The following KLF15 variants were observed in gnomAD, a reference collection of about 807,000 sequenced individuals.
KLF15 encodes KLF transcription factor 15.
A neutral mutation model predicts 24.6 loss-of-function variants in KLF15; 4 were observed. The ratio of observed to expected loss-of-function variants is 0.16; its 90% CI spans 0.08 to 0.37. KLF15 has a LOEUF of 0.37. Ranked by LOEUF, KLF15 falls within the 10% of genes least tolerant of loss-of-function variation. KLF15 has a pLI of 1.00. For missense variants in KLF15, 496 were observed against 560.6 expected (o/e 0.88, Z 1.16); for synonymous variants, 246 against 236.3 (o/e 1.04, Z -0.37).
rs779793947 is a variant in KLF15, at chr3:126,352,321, G to T, written c.602C>A (p.Ala201Glu). Residue 201 changes from alanine to glutamate, a missense_variant, in exon 2 of 3, where the codon GCA (alanine) becomes GAA (glutamate). Transcript: ENST00000296233. ...CCCACCTGGGCCCTGGGCACCTCCT[G>T]CACTGGCACCACCTGGTGGAGGGGA... Reference protein sequence around the residue: ...RCSPPPGGASAGGAQGPGGGP... With the variant: ...RCSPPPGGASEGGAQGPGGGP... 1.7e-5 allele frequency: 26 copies of T among 1,570,884 alleles called. No individual in the cohort carries two copies. Among genetic ancestry groups the T allele is most frequent in the Non-Finnish European group, 2.2e-5 (25 of 1,160,416 alleles).
At chr3:126,349,718 C>T (rs549568828) in intron 2 of KLF15, among the ~76,000 whole-genome samples, 2 of 152,298 alleles carry the variant, frequency 1.3e-5, no homozygotes, top group African/African-American at 4.8e-5. Flanking sequence ...TGCCAACGGT[C>T]GACTATGGCC....
At chr3:126,348,187 G>A (rs937435976) in intron 2 of KLF15, among the ~76,000 whole-genome samples, 3 of 152,230 alleles carry the variant, frequency 2.0e-5, no homozygotes, top group African/African-American at 4.8e-5. Context: ...CTGGCTGGCT[G>A]ACTGGAGAAT....
At chr3:126,311,227 G>A in the KLF15 span, among the ~76,000 whole-genome samples, 1 of 152,198 alleles carries the variant, frequency 6.6e-6, no homozygotes, top group East Asian at 1.9e-4. Flanking sequence ...CAGGCAAAAA[G>A]AAACTCCCCA....
the KLF15 span, among the ~76,000 whole-genome samples, chr3:126,303,479 T>C: frequency 6.6e-6 from 1 of 152,114 alleles, no homozygotes. Flanking sequence ...TCATTTGTAT[T>C]GTTTCTAACA....
chr3:126,322,227 T>C, the KLF15 span, among the ~76,000 whole-genome samples: 9 of 133,276 alleles, frequency 6.8e-5, no homozygotes, highest in Admixed American at 6.6e-4. Context: ...ACCACAAACT[T>C]GGGAACTTAA....
At chr3:126,314,194 G>A in the KLF15 span, among the ~76,000 whole-genome samples, 4 of 152,092 alleles carry the variant, frequency 2.6e-5, no homozygotes, top group Admixed American at 6.6e-5. Flanking sequence ...CCTCATGGGG[G>A]CTGGGGTGCT....
chr3:126,355,618 T>C (rs902766486), intron 1 of KLF15, among the ~76,000 whole-genome samples: 4 of 152,394 alleles, frequency 2.6e-5, no homozygotes, highest in East Asian at 3.9e-4. Context: ...GTTTGTGAAC[T>C]TTCCTCCCTG....
chr3:126,346,721 C>T (rs1213377242), intron 2 of KLF15, among the ~76,000 whole-genome samples: 1 of 152,156 alleles, frequency 6.6e-6, no homozygotes, highest in Non-Finnish European at 1.5e-5. Context: ...CAGAAGACCC[C>T]CTGCCTCACC....
the KLF15 span, among the ~76,000 whole-genome samples, chr3:126,329,900 A>G: frequency 3.3e-5 from 5 of 151,374 alleles, no homozygotes; most frequent in African/African-American, 1.2e-4. Context: ...CTGTCATAAA[A>G]GTTATGAACT....
chr3:126,323,431 ATATAACATATATATGT>A, the KLF15 span, among the ~76,000 whole-genome samples: 214 of 50,644 alleles, frequency 4.2e-3, 5 homozygotes, highest in African/African-American at 0.013. Context: ...ATATATATAT[ATATAACATATATATGT>A]TATATATATA....
At chr3:126,307,345 C>T in the KLF15 span, among the ~76,000 whole-genome samples, 1 of 152,224 alleles carries the variant, frequency 6.6e-6, no homozygotes, top group South Asian at 2.1e-4. Context: ...ATCCAGCGGG[C>T]TCACAGGGAC....
the KLF15 span, among the ~76,000 whole-genome samples, chr3:126,317,280 A>G: frequency 2.6e-5 from 4 of 152,312 alleles, no homozygotes; most frequent in African/African-American, 9.6e-5. Flanking sequence ...TGAGCAGGGC[A>G]GGAGAGGGCC....
At chr3:126,301,610 C>CTTTTTTTTTTT in the KLF15 span, among the ~76,000 whole-genome samples, 2 of 132,282 alleles carry the variant, frequency 1.5e-5, no homozygotes, top group Non-Finnish European at 3.1e-5. Flanking sequence ...TTTTCTTTTT[C>CTTTTTTTTTTT]TTTTTTTTTT....
the KLF15 span, among the ~76,000 whole-genome samples, chr3:126,295,610 A>T: frequency 1.3e-5 from 2 of 152,106 alleles, no homozygotes; most frequent in Non-Finnish European, 2.9e-5. Flanking sequence ...AGATGTGATC[A>T]GCTTCACATG....
intron 2 of KLF15, among the ~76,000 whole-genome samples, chr3:126,351,331 G>A (rs568661357): frequency 9.8e-4 from 149 of 152,376 alleles, no homozygotes; most frequent in African/African-American, 3.5e-3. Context: ...GGTTGGGGAA[G>A]CAGCATTTTC....
chr3:126,345,295 C>T (rs1430388278), intron 2 of KLF15, among the ~76,000 whole-genome samples: 1 of 151,954 alleles, frequency 6.6e-6, no homozygotes, highest in Non-Finnish European at 1.5e-5. Flanking sequence ...GTCTGTCCCA[C>T]TAGACTGTCA....
chr3:126,315,791 C>T, the KLF15 span, among the ~76,000 whole-genome samples: 1 of 152,174 alleles, frequency 6.6e-6, no homozygotes, highest in Admixed American at 6.5e-5. Context: ...TTTGAAATTC[C>T]TCTCCTGCAC....
At chr3:126,316,061 T>C in the KLF15 span, among the ~76,000 whole-genome samples, 1 of 152,204 alleles carries the variant, frequency 6.6e-6, no homozygotes, top group African/African-American at 2.4e-5. Flanking sequence ...TATTTGCATT[T>C]TTAAAGGGTT....
the KLF15 span, among the ~76,000 whole-genome samples, chr3:126,308,425 C>A: frequency 6.8e-6 from 1 of 147,328 alleles, no homozygotes; most frequent in East Asian, 1.9e-4. Flanking sequence ...CCAAAGGCTA[C>A]CCCAAGCCCT....
Sources: allele counts gnomAD v4.1 joint callset (sites outside exome capture counted in the v4.1 genomes callset), GRCh38; gene constraint gnomAD v4.1.1; transcripts MANE v1.5; gene names NCBI Gene and HGNC (gene_info 2026-07-23, HGNC 2026-07-21).